EPSTI1: variants seen among roughly 807,000 people sequenced by gnomAD.
The protein encoded by EPSTI1 is epithelial-stromal interaction protein 1.
A neutral mutation model predicts 49.9 loss-of-function variants in EPSTI1; 66 were observed. That is an observed-to-expected ratio of 1.32 (90% CI 1.08 to 1.62). The LOEUF (loss-of-function observed/expected upper bound fraction) is 1.62, where lower values mean the gene tolerates loss of function less well. EPSTI1 is among the 40% of genes most tolerant of loss of function. The pLI is 0.00. For missense variants in EPSTI1, 394 were observed against 365.5 expected (o/e 1.08, Z -0.64); for synonymous variants, 137 against 130.7 (o/e 1.05, Z -0.33).
At chr13:42,926,717 C>T (rs2038191801) in intron 6 of EPSTI1, among the ~76,000 whole-genome samples, 1 of 152,186 alleles carries the variant, frequency 6.6e-6, no homozygotes, top group Non-Finnish European at 1.5e-5. Flanking sequence ...TACAAGTCCT[C>T]TCCCAGAGCA....
chr13:42,926,990 GACACACACACACACAC>G (rs10529424), intron 6 of EPSTI1, among the ~76,000 whole-genome samples: 10 of 144,610 alleles, frequency 6.9e-5, no homozygotes, highest in African/African-American at 2.6e-4. Flanking sequence ...TCTGTTAACA[GACACACACACACACAC>G]ACACACACAC....
intron 3 of EPSTI1, among the ~76,000 whole-genome samples, chr13:42,965,273 C>A (rs1163292596): frequency 6.6e-6 from 1 of 152,120 alleles, no homozygotes; most frequent in African/African-American, 2.4e-5. Flanking sequence ...AAGTTTTGTT[C>A]AAAACTCATC....
At chr13:42,888,627 A>G in intron 10 of EPSTI1, 125 bp from the exon 11 acceptor site, 1 of 959,208 alleles carries the variant, frequency 1.0e-6, no homozygotes, top group South Asian at 1.8e-5. Context: ...CATTTTTTAA[A>G]ATTAACAACT....
At chr13:42,991,588 C>T (rs541870112) in intron 1 of EPSTI1, among the ~76,000 whole-genome samples, 1 of 152,286 alleles carries the variant, frequency 6.6e-6, no homozygotes, top group South Asian at 2.1e-4. Flanking sequence ...CCTGGCCCAG[C>T]ACCAAATTTT....
chr13:42,989,032 A>ATTTTTTTTTTTTTTTTTTTTTT, intron 1 of EPSTI1, among the ~76,000 whole-genome samples: 1 of 96,124 alleles, frequency 1.0e-5, no homozygotes, highest in Non-Finnish European at 1.9e-5. Context: ...GATAATTTAA[A>ATTTTTTTTTTTTTTTTTTTTTT]TTTTTTTTTT....
chr13:42,958,660 C>A (rs1392589186), intron 5 of EPSTI1, among the ~76,000 whole-genome samples: 1 of 152,100 alleles, frequency 6.6e-6, no homozygotes, highest in South Asian at 2.1e-4. Flanking sequence ...AATAAAGATA[C>A]TTAAGGCTGG....
intron 9 of EPSTI1, among the ~76,000 whole-genome samples, chr13:42,896,919 G>C (rs1005632547): frequency 6.6e-6 from 1 of 152,046 alleles, no homozygotes; most frequent in Non-Finnish European, 1.5e-5. Flanking sequence ...GGCCAACCTG[G>C]CAAAACCTCA....
Position 42,889,301 on chromosome 13 carries a change from T to C in EPSTI1, c.916-799A>G, listed in dbSNP as rs1017506294. ...AAAAGCAATTATTGAAGAATAAATGTATATGTTAAGAAATATGAGAAGACT... is the reference window on the plus strand; with the variant it reads ...AAAAGCAATTATTGAAGAATAAATGCATATGTTAAGAAATATGAGAAGACT... On this transcript the variant is annotated intron_variant, in intron 10 of 10. Coordinates refer to ENST00000313624, the MANE Select transcript of EPSTI1 (RefSeq NM_033255.5). The C allele has an allele frequency of 2.1e-5, 22 of 1,053,648 alleles. No individual in the cohort carries two copies. In the African/African-American group the frequency reaches 3.6e-4, roughly 17 times the overall value. The allele number at this position is 1,053,648 out of a possible 1,614,324, so 65.3% of individuals were successfully genotyped here. A position where few individuals can be genotyped will look rare whatever the true frequency, so the allele number is the denominator to read the frequency against.
At chr13:42,974,608 G>A (rs1407007608) in intron 1 of EPSTI1, among the ~76,000 whole-genome samples, 2 of 151,068 alleles carry the variant, frequency 1.3e-5, no homozygotes, top group Non-Finnish European at 2.9e-5. Context: ...GCAGTGAGCC[G>A]AGATTGCGCC....
At chr13:42,988,688 G>A (rs1048088511) in intron 1 of EPSTI1, among the ~76,000 whole-genome samples, 4 of 150,580 alleles carry the variant, frequency 2.7e-5, no homozygotes, top group African/African-American at 2.5e-5. Context: ...CTGAGATTGC[G>A]CTGTTGCACT....
At chr13:42,937,052 G>C (rs1032689974) in intron 6 of EPSTI1, among the ~76,000 whole-genome samples, 1 of 121,828 alleles carries the variant, frequency 8.2e-6, no homozygotes, top group African/African-American at 2.9e-5. Flanking sequence ...TTTGGTTCCA[G>C]ACCACTGCAA....
rs1158948973 is a variant in EPSTI1, at chr13:42,886,825, T to G, written c.*1669A>C. 1 of 152,168 alleles carries G rather than the reference T, an allele frequency of 6.6e-6. No homozygotes were observed. The highest frequency in any genetic ancestry group is 1.5e-5 in the Non-Finnish European group (1 of 68,032). 9.4% of individuals were successfully genotyped at this position (152,168 alleles called of 1,614,324 possible). ...TGGAACTACCCATCTGCACAAAATCTTTGGGAGTGCAGGGTAGGCCAGGCA... is the reference window on the plus strand; with the variant it reads ...TGGAACTACCCATCTGCACAAAATCGTTGGGAGTGCAGGGTAGGCCAGGCA... On this transcript the variant is annotated 3_prime_UTR_variant, in exon 11 of 11. Transcript: ENST00000313624.
At chr13:42,987,350 GA>G (rs577116278) in intron 1 of EPSTI1, among the ~76,000 whole-genome samples, 35 of 147,018 alleles carry the variant, frequency 2.4e-4, no homozygotes, top group Admixed American at 6.1e-4. Flanking sequence ...TTGATGTCAG[GA>G]AAAAAAAAAC....
chr13:42,927,448 C>A (rs140816187), intron 6 of EPSTI1, among the ~76,000 whole-genome samples: 1 of 152,334 alleles, frequency 6.6e-6, no homozygotes, highest in Non-Finnish European at 1.5e-5. Context: ...ATCTCCCTCC[C>A]TCCTCCTGCT....
intron 10 of EPSTI1, 110 bp downstream of exon 10, chr13:42,894,896 CACA>C (rs1160534174): frequency 2.3e-6 from 2 of 888,118 alleles, no homozygotes; most frequent in Admixed American, 5.2e-5. Context: ...TGCCAAACAG[CACA>C]ACAACAAAAA....
At chr13:42,937,982 C>T (rs1480115783) in intron 6 of EPSTI1, among the ~76,000 whole-genome samples, 1 of 152,078 alleles carries the variant, frequency 6.6e-6, no homozygotes. Flanking sequence ...TTCCTTGATC[C>T]ATAGGCTGCA....
At chr13:42,987,821 A>T (rs1472926667) in intron 1 of EPSTI1, among the ~76,000 whole-genome samples, 1 of 152,186 alleles carries the variant, frequency 6.6e-6, no homozygotes, top group African/African-American at 2.4e-5. Context: ...TTTAAGCTAG[A>T]GATCCTCTCA....
At chr13:42,971,441 T>TC (rs1279179190) in intron 1 of EPSTI1, among the ~76,000 whole-genome samples, 3 of 152,206 alleles carry the variant, frequency 2.0e-5, no homozygotes, top group African/African-American at 7.2e-5. Flanking sequence ...AGCCTGTGAG[T>TC]CTGTGTGGGG....
intron 6 of EPSTI1, among the ~76,000 whole-genome samples, chr13:42,929,449 C>T (rs2038291035): frequency 6.6e-6 from 1 of 152,222 alleles, no homozygotes; most frequent in Admixed American, 6.5e-5. Flanking sequence ...TAGACCCTCC[C>T]CAAAATTACC....
Sources: gnomAD v4.1 joint callset for allele counts (sites outside exome capture counted in the v4.1 genomes callset) on GRCh38, gnomAD v4.1.1 for gene constraint, MANE v1.5 for transcripts, NCBI Gene and HGNC (gene_info 2026-07-23, HGNC 2026-07-21) for gene names.